RBM28: variants seen among roughly 807,000 people sequenced by gnomAD.
RBM28 encodes RNA-binding protein 28.
A neutral mutation model predicts 98.3 loss-of-function variants in RBM28; 78 were observed. The ratio of observed to expected loss-of-function variants is 0.79; its 90% CI spans 0.66 to 0.96. The LOEUF (loss-of-function observed/expected upper bound fraction) is 0.96, where lower values mean the gene tolerates loss of function less well. Among genes scored for constraint, RBM28 ranks in the 40% least tolerant of loss-of-function variants. RBM28 has a pLI of 0.00. For missense variants in RBM28, 838 were observed against 913.0 expected, an observed-to-expected ratio of 0.92 and a Z score of 1.06; for synonymous variants, 306 against 330.9, an observed-to-expected ratio of 0.92 and a Z score of 0.82.
intron 9 of RBM28, 90 bp downstream of exon 9, chr7:128,333,200 G>T: frequency 9.8e-7 from 1 of 1,018,762 alleles, no homozygotes; most frequent in Non-Finnish European, 1.6e-6. Flanking sequence ...TTCTGGGCTA[G>T]GTAACAGAAC....
intron 12 of RBM28, 134 bp downstream of exon 12, chr7:128,324,425 T>C (rs1796300788): frequency 7.9e-7 from 1 of 1,273,796 alleles, no homozygotes; most frequent in African/African-American, 1.5e-5. Context: ...TAAAGTGGAA[T>C]GATCATATAA....
At chr7:128,333,449 G>A (rs1796528979) in intron 8 of RBM28, 87 bp from the exon 9 acceptor site, 1 of 1,154,264 alleles carries the variant, frequency 8.7e-7, no homozygotes, top group African/African-American at 1.5e-5. Context: ...ATAAAGATAA[G>A]CCTGGCGCAG....
rs1164610075 is a variant in RBM28, at chr7:128,310,696, G to A, written c.*101C>T. The A allele has an allele frequency of 6.7e-7, 1 of 1,500,148 alleles. No individual in the cohort carries two copies. Among genetic ancestry groups the A allele is most frequent in the South Asian group, 1.1e-5 (1 of 88,464 alleles). The allele number at this position is 1,500,148 out of a possible 1,614,324, so 92.9% of individuals were successfully genotyped here. On this transcript the variant is annotated 3_prime_UTR_variant, in exon 19 of 19. Transcript: ENST00000223073. ...CGAGCACAGTGGCAGTGCCCTTGGG[G>A]ATTTTCTTTCCCTCAGTGAGAGACA...
chr7:128,312,886 A>G (rs1291926505), intron 18 of RBM28, among the ~76,000 whole-genome samples: 2 of 152,212 alleles, frequency 1.3e-5, no homozygotes, highest in African/African-American at 4.8e-5. Flanking sequence ...TATGAGACGC[A>G]TTTACATGTG....
chr7:128,311,048 G>A, intron 18 of RBM28, 117 bp from the exon 19 acceptor site: 1 of 1,041,780 alleles, frequency 9.6e-7, no homozygotes, highest in Non-Finnish European at 1.5e-6. Flanking sequence ...CTACCAGAAA[G>A]GGGTAGGTTT....
chr7:128,319,219 G>A (rs987378853), intron 14 of RBM28, among the ~76,000 whole-genome samples: 7 of 152,194 alleles, frequency 4.6e-5, no homozygotes, highest in African/African-American at 1.4e-4. Context: ...GTCATACACT[G>A]TAAGGGAATC....
intron 14 of RBM28, among the ~76,000 whole-genome samples, chr7:128,320,089 T>C (rs1432587873): frequency 4.0e-5 from 6 of 151,708 alleles, no homozygotes; most frequent in African/African-American, 1.5e-4. Flanking sequence ...TGGTGGTGCA[T>C]GCCTGTAGTC....
At position 128,339,340 on chromosome 7, in the gene RBM28, T is replaced by G. The variant is rs753933509; in HGVS notation, c.278-19A>C. ...GAGTTTTCTAAAAAATAAGAGGTAA[T>G]GGAATAAGTACTCGAAAATCACCCA... On this transcript the variant is annotated intron_variant, in intron 2 of 18. Transcript: ENST00000223073. 1.3e-6 allele frequency: 2 copies of G among 1,567,936 alleles called. No individual in the cohort carries two copies. The highest frequency in any genetic ancestry group is 3.4e-5 in the Admixed American group (2 of 59,188).
intron 10 of RBM28, 110 bp downstream of exon 10, chr7:128,330,709 G>C: frequency 2.4e-6 from 2 of 829,532 alleles, no homozygotes; most frequent in Non-Finnish European, 4.2e-6. Flanking sequence ...ACCTGGGCTG[G>C]ATGGACTGTG....
Position 128,343,597 on chromosome 7 carries a change from G to A in RBM28, c.118+79C>T, listed in dbSNP as rs182521476. 1,158 of 1,036,512 alleles carry A rather than the reference G, an allele frequency of 1.1e-3. 8 individuals are homozygous for A. The Middle Eastern group carries it at 0.019, about 17-fold the overall frequency. 64.2% of individuals were successfully genotyped at this position (1,036,512 alleles called of 1,614,324 possible). A position where few individuals can be genotyped will look rare whatever the true frequency, so the allele number is the denominator to read the frequency against. ...CTTCTCTTCGGGGAGGGTAAAGAAT[G>A]ATACGGCTCCCTGAAGTTTGGGAAG... On this transcript the variant is annotated intron_variant, in intron 1 of 18. Transcript: ENST00000223073.
chr7:128,330,755 C>A (rs369366871), intron 10 of RBM28, 64 bp downstream of exon 10: 5 of 1,139,584 alleles, frequency 4.4e-6, no homozygotes, highest in Non-Finnish European at 5.3e-6. Context: ...GCTCTCGTAA[C>A]CTAGTCAGTG....
At chr7:128,326,679 T>A (rs1309515584) in intron 10 of RBM28, among the ~76,000 whole-genome samples, 1 of 152,118 alleles carries the variant, frequency 6.6e-6, no homozygotes, top group Non-Finnish European at 1.5e-5. Flanking sequence ...GCAGAATGTA[T>A]CCCCATCATT....
intron 11 of RBM28, among the ~76,000 whole-genome samples, chr7:128,325,014 A>C (rs1327357078): frequency 6.6e-6 from 1 of 152,140 alleles, no homozygotes; most frequent in Non-Finnish European, 1.5e-5. Context: ...CACCTCAAAA[A>C]AAATAAAATA....
chr7:128,318,594 C>T (rs59168227), intron 14 of RBM28, among the ~76,000 whole-genome samples: 5,268 of 152,076 alleles, frequency 0.035, 205 homozygotes, highest in African/African-American at 0.095. Flanking sequence ...CCTACTAAGA[C>T]CATCAAACAG....
intron 2 of RBM28, among the ~76,000 whole-genome samples, 153 bp from the exon 3 acceptor site, chr7:128,339,474 C>G (rs1279644687): frequency 6.6e-6 from 1 of 152,068 alleles, no homozygotes; most frequent in African/African-American, 2.4e-5. Flanking sequence ...TTCCAAAGAA[C>G]TAAAATGAGT....
At chr7:128,329,225 G>A (rs925906135) in intron 10 of RBM28, among the ~76,000 whole-genome samples, 3 of 151,896 alleles carry the variant, frequency 2.0e-5, no homozygotes, top group East Asian at 1.9e-4. Flanking sequence ...TCAGCCTCCC[G>A]AGTAGCTGGG....
At chr7:128,318,779 AT>A (rs1374068725) in intron 14 of RBM28, among the ~76,000 whole-genome samples, 1 of 152,232 alleles carries the variant, frequency 6.6e-6, no homozygotes, top group African/African-American at 2.4e-5. Flanking sequence ...GGTACATGGT[AT>A]TTTAAGCGTG....
chr7:128,338,966 T>C (rs1484499982), intron 3 of RBM28, among the ~76,000 whole-genome samples, 165 bp from the exon 4 acceptor site: 3 of 152,246 alleles, frequency 2.0e-5, no homozygotes, highest in Non-Finnish European at 4.4e-5. Context: ...TTTTACTTTG[T>C]ACCTAAGAGG....
intron 8 of RBM28, among the ~76,000 whole-genome samples, chr7:128,333,671 T>C (rs573157812): frequency 1.3e-5 from 2 of 152,178 alleles, no homozygotes; most frequent in South Asian, 2.1e-4. Flanking sequence ...TGAGCCAAGA[T>C]TGAGCCATTG....
Sources: allele counts gnomAD v4.1 joint callset (sites outside exome capture counted in the v4.1 genomes callset), GRCh38; gene constraint gnomAD v4.1.1; transcripts MANE v1.5; gene names NCBI Gene and HGNC (gene_info 2026-07-23, HGNC 2026-07-21).